The following BRWD3 variants were observed in gnomAD, a reference collection of about 807,000 sequenced individuals.
BRWD3 encodes the protein bromodomain and WD repeat domain containing 3, also known as bromodomain and WD repeat-containing protein 3.
BRWD3 carries 10 observed loss-of-function variants against 149.7 expected under a neutral mutation model. The ratio of observed to expected loss-of-function variants is 0.07; its 90% CI spans 0.04 to 0.11. BRWD3 has a LOEUF of 0.11. Among genes scored for constraint, BRWD3 ranks in the 10% least tolerant of loss-of-function variants. The probability of loss-of-function intolerance (pLI) is 1.00; values close to 1 mark genes in which losing one functional copy is unlikely to be tolerated. For missense variants in BRWD3, 940 were observed against 1,373.2 expected (o/e 0.68, Z 4.99); for synonymous variants, 504 against 456.7 (o/e 1.10, Z -1.32).
intron 6 of BRWD3, among the ~76,000 whole-genome samples, chrX:80,764,611 C>T (rs1311645526): frequency 9.0e-6 from 1 of 110,554 alleles, no homozygotes; most frequent in Admixed American, 9.7e-5. Flanking sequence ...CCGCGCCCAG[C>T]CTTAGGCAAA....
intron 19 of BRWD3, chrX:80,717,228 C>T (rs1213589718): frequency 1.1e-5 from 2 of 178,374 alleles, no homozygotes; most frequent in African/African-American, 3.0e-5. Context: ...AATTGTACTC[C>T]CAGGCTGCTC....
intron 4 of BRWD3, among the ~76,000 whole-genome samples, chrX:80,807,922 T>C (rs1174210317): frequency 1.8e-5 from 2 of 111,324 alleles, no homozygotes; most frequent in Non-Finnish European, 3.8e-5. Flanking sequence ...ACGATTATGC[T>C]TTTACTCAGT....
intron 12 of BRWD3, among the ~76,000 whole-genome samples, chrX:80,730,417 G>GAAAGAAAGAA (rs1555972900): frequency 2.8e-5 from 3 of 107,179 alleles, no homozygotes; most frequent in African/African-American, 1.0e-4. Context: ...AAGAAAGAAA[G>GAAAGAAAGAA]AAAGAAAGAA....
At chrX:80,756,531 A>C (rs184580387) in intron 6 of BRWD3, among the ~76,000 whole-genome samples, 2,711 of 107,248 alleles carry the variant, frequency 0.025, 52 homozygotes, top group Middle Eastern at 0.068. Flanking sequence ...AAAAAGAAAC[A>C]ATGTCAACAC....
Position 80,673,555 on chromosome X carries a change from C to T in BRWD3, c.*3054G>A, listed in dbSNP as rs1009551740. On this transcript the variant is annotated 3_prime_UTR_variant, in exon 41 of 41. Coordinates refer to ENST00000373275, the MANE Select transcript of BRWD3 (RefSeq NM_153252.5). ...CATATACAAAAATTTAGTAAGTAGG[C>T]TAGTAGGCTAGTGAATGTTTTAGAG... 9.0e-6 allele frequency: 1 copy of T among 111,092 alleles called. No individual in the cohort carries two copies. The highest frequency in any genetic ancestry group is 1.9e-5 in the Non-Finnish European group (1 of 52,869). 9.2% of individuals were successfully genotyped at this position (111,092 alleles called of 1,213,427 possible).
chrX:80,747,258 G>T (rs1448151611), intron 6 of BRWD3, among the ~76,000 whole-genome samples: 1 of 109,294 alleles, frequency 9.1e-6, no homozygotes, highest in Non-Finnish European at 1.9e-5. Context: ...GTTACTTTAA[G>T]GCAGGGCTTC....
chrX:80,689,530 G>A (rs1315998306), intron 33 of BRWD3, among the ~76,000 whole-genome samples: 2 of 111,150 alleles, frequency 1.8e-5, no homozygotes, highest in African/African-American at 3.3e-5. Context: ...TTGATTTCTC[G>A]TCACTTACAT....
At chrX:80,695,749 A>T (rs1303165960) in intron 27 of BRWD3, among the ~76,000 whole-genome samples, 159 bp downstream of exon 27, 3 of 112,282 alleles carry the variant, frequency 2.7e-5, no homozygotes, top group Non-Finnish European at 5.6e-5. Flanking sequence ...CAATGTGCAT[A>T]AGAAATAACT....
Position 80,689,987 on chromosome X carries a change from A to G in BRWD3, c.3708T>C (p.Asp1236=). ...PIVKAAKIVT[D]VLLRFIGDQS... Reference sequence around the variant, plus strand: ...CTTACCCAATAAATCGAAGTAAGACATCAGTTACAATTTTAGCTGCTTTAA... The same window carrying G: ...CTTACCCAATAAATCGAAGTAAGACGTCAGTTACAATTTTAGCTGCTTTAA... Residue 1236 remains aspartate (D), a synonymous_variant, in exon 32 of 41, where the codon GAT becomes GAC. Coordinates refer to ENST00000373275, the MANE Select transcript of BRWD3 (RefSeq NM_153252.5). 8.3e-7 allele frequency: 1 copy of G among 1,209,292 alleles called. No homozygotes were observed. The highest frequency in any genetic ancestry group is 1.1e-6 in the Non-Finnish European group (1 of 893,739).
chrX:80,680,297 A>AT (rs1298860308), intron 40 of BRWD3, among the ~76,000 whole-genome samples: 1 of 112,424 alleles, frequency 8.9e-6, no homozygotes, highest in Non-Finnish European at 1.9e-5. Flanking sequence ...AATATTTATG[A>AT]TAATTGATGT....
At chrX:80,692,360 C>T (rs1297216396) in intron 28 of BRWD3, among the ~76,000 whole-genome samples, 1 of 111,779 alleles carries the variant, frequency 8.9e-6, no homozygotes, top group Non-Finnish European at 1.9e-5. Context: ...GGGCAGAAAG[C>T]CTACTTTTTG....
intron 5 of BRWD3, among the ~76,000 whole-genome samples, chrX:80,792,995 GTAC>G (rs1179639398): frequency 9.3e-6 from 1 of 107,570 alleles, no homozygotes; most frequent in Non-Finnish European, 1.9e-5. Flanking sequence ...AACCCTGTCT[GTAC>G]TAAAAATACA....
At chrX:80,754,118 T>C (rs964523618) in intron 6 of BRWD3, among the ~76,000 whole-genome samples, 3 of 112,301 alleles carry the variant, frequency 2.7e-5, no homozygotes, top group Non-Finnish European at 1.9e-5. Context: ...AGTATGATCA[T>C]TTTAACAATA....
chrX:80,715,507 G>C (rs749063127), intron 20 of BRWD3, among the ~76,000 whole-genome samples: 8 of 112,080 alleles, frequency 7.1e-5, no homozygotes, highest in Non-Finnish European at 1.3e-4. Context: ...GTACCTGAGA[G>C]TATTCTGCTT....
chrX:80,760,592 T>C (rs1196740506), intron 6 of BRWD3, among the ~76,000 whole-genome samples: 2 of 111,824 alleles, frequency 1.8e-5, no homozygotes, highest in Non-Finnish European at 3.8e-5. Flanking sequence ...TTTAAATTGC[T>C]TTGCTTCAAA....
In BRWD3 at chrX:80,677,340, TAAGGGGTCCATC is replaced by T. The variant is rs1482363445; in HGVS notation, c.4666_4677del (p.Asp1556_Leu1559del). On this transcript the variant is annotated inframe_deletion, in exon 41 of 41. Coordinates refer to ENST00000373275, the MANE Select transcript of BRWD3 (RefSeq NM_153252.5). ...CGGGGCTCTCTGCCATCACCATTTGTAAGGGGTCCATCAAGGGAGTGATCTAAATTAAAATGA... is the reference window on the plus strand; with the variant it reads ...CGGGGCTCTCTGCCATCACCATTTGTAAGGGAGTGATCTAAATTAAAATGA... 1 of 1,204,606 alleles carries T rather than the reference TAAGGGGTCCATC, an allele frequency of 8.3e-7. No individual in the cohort carries two copies. The highest frequency in any genetic ancestry group is 2.2e-5 in the Admixed American group (1 of 45,084).
chrX:80,755,089 T>C (rs184108688), intron 6 of BRWD3, among the ~76,000 whole-genome samples: 11 of 112,176 alleles, frequency 9.8e-5, no homozygotes, highest in Admixed American at 7.6e-4. Context: ...TCTTCCTTGA[T>C]TCTGTTTATG....
rs2072351251 is a variant in BRWD3, at chrX:80,675,048, G to C, written c.*1561C>G. On this transcript the variant is annotated 3_prime_UTR_variant, in exon 41 of 41. Transcript: ENST00000373275. ...ATTTGCTGTTACAGAAACAGAAATT[G>C]CTATTATCCCTCTTACCTCAGAAAT... The C allele has an allele frequency of 9.0e-6, 1 of 111,426 alleles. No homozygotes were observed. Among genetic ancestry groups the C allele is most frequent in the Non-Finnish European group, 1.9e-5 (1 of 52,998 alleles). The allele number at this position is 111,426 out of a possible 1,213,427, so 9.2% of individuals were successfully genotyped here. A position where few individuals can be genotyped will look rare whatever the true frequency, so the allele number is the denominator to read the frequency against.
chrX:80,731,756 G>A (rs901433873), intron 12 of BRWD3, among the ~76,000 whole-genome samples: 1 of 108,358 alleles, frequency 9.2e-6, no homozygotes, highest in African/African-American at 3.4e-5. Context: ...TTAGCCAGGC[G>A]TGGTGGCGGA....
Sources: gnomAD v4.1 joint callset for allele counts (sites outside exome capture counted in the v4.1 genomes callset) on GRCh38, gnomAD v4.1.1 for gene constraint, MANE v1.5 for transcripts, NCBI Gene and HGNC (gene_info 2026-07-23, HGNC 2026-07-21) for gene names.